AUTS2: variants seen among roughly 807,000 people sequenced by gnomAD.
The protein encoded by AUTS2 is autism susceptibility gene 2 protein.
Under a neutral mutation model 112.4 loss-of-function variants are expected in AUTS2, and 17 were observed. The ratio of observed to expected loss-of-function variants is 0.15; its 90% CI spans 0.10 to 0.23. The LOEUF (loss-of-function observed/expected upper bound fraction) is 0.23, where lower values mean the gene tolerates loss of function less well. Among genes scored for constraint, AUTS2 ranks in the 10% least tolerant of loss-of-function variants. AUTS2 has a pLI of 1.00. For missense variants in AUTS2, 1,510 were observed against 1,701.6 expected, an observed-to-expected ratio of 0.89 and a Z score of 1.98; for synonymous variants, 751 against 702.7, an observed-to-expected ratio of 1.07 and a Z score of -1.09.
intron 2 of AUTS2, among the ~76,000 whole-genome samples, chr7:70,002,994 GA>G (rs929065598): frequency 1.8e-4 from 27 of 150,398 alleles, no homozygotes; most frequent in African/African-American, 5.1e-4. Context: ...ACAATTTTAA[GA>G]AAAAAATAGG....
chr7:69,760,749 G>A (rs1441024207), intron 1 of AUTS2, among the ~76,000 whole-genome samples: 1 of 152,148 alleles, frequency 6.6e-6, no homozygotes, highest in East Asian at 1.9e-4. Flanking sequence ...GAACTTGGGA[G>A]GTGGAGGTTG....
chr7:69,915,250 G>C (rs551089610), intron 2 of AUTS2, among the ~76,000 whole-genome samples: 1 of 152,242 alleles, frequency 6.6e-6, no homozygotes, highest in East Asian at 1.9e-4. Flanking sequence ...CATTTTTGTT[G>C]ACCTCCCTTC....
intron 1 of AUTS2, among the ~76,000 whole-genome samples, chr7:69,634,019 G>A (rs569285825): frequency 1.2e-3 from 184 of 152,216 alleles, no homozygotes; most frequent in Non-Finnish European, 2.4e-3. Flanking sequence ...TCATTGCCAA[G>A]ACAAAGTCCA....
chr7:69,649,183 A>G (rs914343840), intron 1 of AUTS2, among the ~76,000 whole-genome samples: 1 of 152,160 alleles, frequency 6.6e-6, no homozygotes, highest in Admixed American at 6.5e-5. Context: ...TCGGACCTGT[A>G]GATACCTTGG....
At chr7:69,664,984 G>A (rs566146733) in intron 1 of AUTS2, among the ~76,000 whole-genome samples, 46 of 152,278 alleles carry the variant, frequency 3.0e-4, no homozygotes, top group African/African-American at 1.0e-3. Context: ...TTTGGATGAC[G>A]CATCACCTTT....
chr7:69,956,117 A>G (rs908284721), intron 2 of AUTS2, among the ~76,000 whole-genome samples: 6 of 152,032 alleles, frequency 3.9e-5, no homozygotes, highest in South Asian at 2.1e-4. Context: ...GTTCTTTCCA[A>G]CATGCCTCAG....
intron 5 of AUTS2, among the ~76,000 whole-genome samples, chr7:70,592,554 G>A (rs931840072): frequency 2.0e-5 from 3 of 151,970 alleles, no homozygotes; most frequent in African/African-American, 7.3e-5. Context: ...TAGATATGAG[G>A]TATCACCATG....
intron 1 of AUTS2, among the ~76,000 whole-genome samples, chr7:69,738,118 A>G (rs377732509): frequency 6.6e-6 from 1 of 152,072 alleles, no homozygotes; most frequent in Non-Finnish European, 1.5e-5. Flanking sequence ...TGCCTTTGGA[A>G]GGGAGAGAAC....
chr7:70,172,965 A>C (rs532639312), intron 4 of AUTS2, among the ~76,000 whole-genome samples: 43 of 152,318 alleles, frequency 2.8e-4, no homozygotes, highest in Non-Finnish European at 5.6e-4. Context: ...TTTGATACCT[A>C]GTAAGTAGTA....
intron 1 of AUTS2, among the ~76,000 whole-genome samples, chr7:69,627,720 C>T (rs1040289998): frequency 2.0e-5 from 3 of 151,948 alleles, no homozygotes; most frequent in African/African-American, 4.8e-5. Context: ...TCACGGTGTC[C>T]TGTGGATTGA....
In AUTS2 at chr7:70,540,988, A is replaced by G. The variant is rs1466129345; in HGVS notation, c.690+105207A>G. On this transcript the variant is annotated intron_variant, in intron 5 of 18. Transcript: ENST00000342771. The stretch of plus-strand genomic sequence containing the variant: ...CCCATGGAAACCTCTAATTCATGCA[A>G]AAGTCCCCCCCTATGAAGTGAAGTC... 2.0e-5 allele frequency among the ~76,000 whole-genome samples: 3 copies of G among 152,114 alleles called. 1 individual carries two copies.
intron 1 of AUTS2, among the ~76,000 whole-genome samples, chr7:69,887,658 G>C (rs752650123): frequency 1.6e-4 from 24 of 152,264 alleles, no homozygotes; most frequent in Non-Finnish European, 3.2e-4. Context: ...GAAAAGGAAA[G>C]TATGTGACTT....
intron 5 of AUTS2, among the ~76,000 whole-genome samples, chr7:70,632,771 A>G (rs1406288134): frequency 6.6e-6 from 1 of 151,988 alleles, no homozygotes; most frequent in Non-Finnish European, 1.5e-5. Flanking sequence ...AGCTCATGCC[A>G]TTAATGGAGT....
intron 1 of AUTS2, among the ~76,000 whole-genome samples, chr7:69,817,416 C>CAAGG (rs1790810741): frequency 1.3e-5 from 2 of 152,254 alleles, no homozygotes; most frequent in South Asian, 4.2e-4. Flanking sequence ...TGTATAACCT[C>CAAGG]TTTGAGGAGG....
chr7:70,518,456 G>C (rs1799507152), intron 5 of AUTS2, among the ~76,000 whole-genome samples: 1 of 152,072 alleles, frequency 6.6e-6, no homozygotes, highest in Non-Finnish European at 1.5e-5. Context: ...ACCAAGGCGG[G>C]CGGATCACGA....
chr7:70,664,926 A>T (rs1807250201), intron 5 of AUTS2, among the ~76,000 whole-genome samples: 1 of 152,208 alleles, frequency 6.6e-6, no homozygotes, highest in East Asian at 1.9e-4. Flanking sequence ...ATAAAAAATT[A>T]GCCAGGCGTA....
intron 5 of AUTS2, among the ~76,000 whole-genome samples, chr7:70,693,781 C>G (rs889851201): frequency 2.6e-5 from 4 of 152,238 alleles, no homozygotes; most frequent in Non-Finnish European, 4.4e-5. Context: ...ATGGCGCAAT[C>G]TTGGAAGCGG....
intron 2 of AUTS2, among the ~76,000 whole-genome samples, chr7:69,932,398 C>G (rs2129544055): frequency 6.6e-6 from 1 of 152,032 alleles, no homozygotes; most frequent in East Asian, 1.9e-4. Context: ...CAGGAGCGCT[C>G]TAAGAGGTGA....
At chr7:69,767,884 G>C (rs1348655806) in intron 1 of AUTS2, among the ~76,000 whole-genome samples, 1 of 152,134 alleles carries the variant, frequency 6.6e-6, no homozygotes, top group African/African-American at 2.4e-5. Flanking sequence ...ATGTCACTTT[G>C]TGAAACTTCC....
Sources: allele counts gnomAD v4.1 joint callset (sites outside exome capture counted in the v4.1 genomes callset), GRCh38; gene constraint gnomAD v4.1.1; transcripts MANE v1.5; gene names NCBI Gene and HGNC (gene_info 2026-07-23, HGNC 2026-07-21).